CDC42SE2: variants seen among roughly 807,000 people sequenced by gnomAD.
CDC42SE2 encodes the protein CDC42 small effector protein 2.
In CDC42SE2, 3 loss-of-function variants were observed where a neutral mutation model predicts 11.5. The observed-to-expected ratio is 0.26, with a 90% CI of 0.12 to 0.67. The LOEUF (loss-of-function observed/expected upper bound fraction) is 0.67, where lower values mean the gene tolerates loss of function less well. CDC42SE2 is among the 30% of genes least tolerant of loss of function. CDC42SE2 has a pLI of 0.80. For synonymous variants in CDC42SE2, 33 were observed against 34.8 expected (o/e 0.95, Z 0.18); for missense variants, 82 against 106.8 (o/e 0.77, Z 1.02).
At chr5:131,292,920 A>AAC (rs1433826733) in intron 1 of CDC42SE2, among the ~76,000 whole-genome samples, 27 of 149,038 alleles carry the variant, frequency 1.8e-4, no homozygotes, top group African/African-American at 4.5e-4. Flanking sequence ...AAAAAAAAAA[A>AAC]AAAAAAAAAA....
At chr5:131,277,988 A>G (rs1181563958) in intron 1 of CDC42SE2, among the ~76,000 whole-genome samples, 2 of 152,108 alleles carry the variant, frequency 1.3e-5, no homozygotes, top group African/African-American at 4.8e-5. Context: ...TACCAATTTC[A>G]TCTATTCCCC....
intron 2 of CDC42SE2, among the ~76,000 whole-genome samples, chr5:131,316,860 T>C (rs1046958770): frequency 6.6e-6 from 1 of 152,210 alleles, no homozygotes; most frequent in Non-Finnish European, 1.5e-5. Context: ...CTATAGAAAT[T>C]ATCTAGATTT....
At chr5:131,365,959 A>C (rs1749844206) in intron 3 of CDC42SE2, among the ~76,000 whole-genome samples, 2 of 152,322 alleles carry the variant, frequency 1.3e-5, no homozygotes, top group South Asian at 2.1e-4. Context: ...TCCAGCCTGG[A>C]GACAGAGCGA....
chr5:131,245,744 C>CT (rs1409160884), intron 1 of CDC42SE2: 3 of 152,160 alleles, frequency 2.0e-5, no homozygotes, highest in Admixed American at 6.5e-5. Context: ...CCTTTACCTT[C>CT]TTTTTTCTTC....
intron 2 of CDC42SE2, among the ~76,000 whole-genome samples, chr5:131,348,611 T>A (rs1758916687): frequency 6.6e-6 from 1 of 152,158 alleles, no homozygotes; most frequent in African/African-American, 2.4e-5. Flanking sequence ...AATCTACCAA[T>A]GACTTTCTTC....
chr5:131,245,438 T>C (rs549314402), upstream of CDC42SE2: 2 of 152,270 alleles, frequency 1.3e-5, no homozygotes, highest in East Asian at 3.9e-4. Context: ...AAACAATGTG[T>C]CATACCAAGA....
chr5:131,365,770 CAGA>C (rs1399655400), intron 3 of CDC42SE2, among the ~76,000 whole-genome samples: 1 of 152,158 alleles, frequency 6.6e-6, no homozygotes, highest in East Asian at 1.9e-4. Flanking sequence ...ATCACGAGGT[CAGA>C]AGATCGAGAC....
At chr5:131,320,656 C>G (rs1758167824) in intron 2 of CDC42SE2, among the ~76,000 whole-genome samples, 2 of 151,110 alleles carry the variant, frequency 1.3e-5, no homozygotes, top group African/African-American at 2.4e-5. Context: ...GCAGGAGAAT[C>G]ACTTGAACCC....
intron 1 of CDC42SE2, among the ~76,000 whole-genome samples, chr5:131,315,574 A>G (rs559219658): frequency 1.3e-5 from 2 of 152,158 alleles, no homozygotes; most frequent in Non-Finnish European, 2.9e-5. Context: ...TTGTTTCCAT[A>G]TGGGAATGTG....
At chr5:131,275,759 A>T (rs1293151668) in intron 1 of CDC42SE2, among the ~76,000 whole-genome samples, 5 of 150,084 alleles carry the variant, frequency 3.3e-5, no homozygotes, top group Admixed American at 2.0e-4. Context: ...TATCCTGTGC[A>T]TTTTTTTTTG....
At chr5:131,239,156 T>A in the CDC42SE2 span, among the ~76,000 whole-genome samples, 1 of 149,370 alleles carries the variant, frequency 6.7e-6, no homozygotes, top group Non-Finnish European at 1.5e-5. Flanking sequence ...ACAGACTCTG[T>A]CTCAAAAAAA....
chr5:131,244,140 A>C (rs1266764911), upstream of CDC42SE2, among the ~76,000 whole-genome samples: 2 of 152,244 alleles, frequency 1.3e-5, no homozygotes, highest in Non-Finnish European at 2.9e-5. Flanking sequence ...AATTCACCAG[A>C]AAGACAGAAT....
At chr5:131,319,220 C>T (rs1758110663) in intron 2 of CDC42SE2, among the ~76,000 whole-genome samples, 1 of 152,024 alleles carries the variant, frequency 6.6e-6, no homozygotes, top group African/African-American at 2.4e-5. Context: ...TATGACTTTT[C>T]CCCCCACCCT....
intron 1 of CDC42SE2, among the ~76,000 whole-genome samples, chr5:131,304,270 C>T (rs1757738885): frequency 6.6e-6 from 1 of 152,170 alleles, no homozygotes; most frequent in Non-Finnish European, 1.5e-5. Context: ...AGGCATGAGA[C>T]ACTGTACCCG....
intron 3 of CDC42SE2, among the ~76,000 whole-genome samples, chr5:131,384,202 T>C (rs981997124): frequency 6.6e-6 from 1 of 152,224 alleles, no homozygotes; most frequent in Non-Finnish European, 1.5e-5. Flanking sequence ...TCAGGGTTTT[T>C]TGTGGTTGTT....
chr5:131,306,470 C>G (rs957552905), intron 1 of CDC42SE2, among the ~76,000 whole-genome samples: 2 of 152,000 alleles, frequency 1.3e-5, no homozygotes, highest in Admixed American at 1.3e-4. Context: ...CGTTTTTATG[C>G]CAGTATGTTC....
At chr5:131,328,434 T>A (rs753717992) in intron 2 of CDC42SE2, among the ~76,000 whole-genome samples, 1 of 152,208 alleles carries the variant, frequency 6.6e-6, no homozygotes, top group Non-Finnish European at 1.5e-5. Flanking sequence ...TTATCTTTAA[T>A]TCTGGGAAGT....
At chr5:131,240,559 A>G (rs923124352), upstream of CDC42SE2, among the ~76,000 whole-genome samples, 12 of 152,246 alleles carry the variant, frequency 7.9e-5, no homozygotes, top group Non-Finnish European at 1.5e-4. Context: ...TTTCTCCAAG[A>G]GTAAACATCC....
intron 1 of CDC42SE2, among the ~76,000 whole-genome samples, chr5:131,294,188 C>T (rs1474506247): frequency 6.6e-6 from 1 of 152,092 alleles, no homozygotes; most frequent in East Asian, 1.9e-4. Context: ...AGCGGATAGG[C>T]TGAATTAAAT....
Sources: allele counts gnomAD v4.1 joint callset (sites outside exome capture counted in the v4.1 genomes callset), GRCh38; gene constraint gnomAD v4.1.1; transcripts MANE v1.5; gene names NCBI Gene and HGNC (gene_info 2026-07-23, HGNC 2026-07-21).